The following PARD3 variants were observed in gnomAD, a reference collection of about 807,000 sequenced individuals.
PARD3 encodes par-3 family cell polarity regulator.
A neutral mutation model predicts 155.4 loss-of-function variants in PARD3; 75 were observed. That is an observed-to-expected ratio of 0.48 (90% CI 0.40 to 0.58). PARD3 has a LOEUF of 0.58. Among genes scored for constraint, PARD3 ranks in the 20% least tolerant of loss-of-function variants. PARD3 has a pLI of 0.00. For missense variants in PARD3, 1,642 were observed against 1,721.7 expected, an observed-to-expected ratio of 0.95 and a Z score of 0.82; for synonymous variants, 576 against 610.5, an observed-to-expected ratio of 0.94 and a Z score of 0.83.
chr10:34,618,490 G>C (rs1316342288), intron 2 of PARD3, among the ~76,000 whole-genome samples: 4 of 152,000 alleles, frequency 2.6e-5, no homozygotes. Context: ...TCACAATTCA[G>C]GTAAAAATGA....
intron 1 of PARD3, among the ~76,000 whole-genome samples, chr10:34,708,899 T>C (rs537451287): frequency 3.9e-4 from 59 of 152,344 alleles, no homozygotes; most frequent in African/African-American, 1.1e-3. Flanking sequence ...GATTCTTAAT[T>C]GTCCATGTGA....
intron 2 of PARD3, among the ~76,000 whole-genome samples, chr10:34,552,257 G>T (rs1167477756): frequency 6.6e-6 from 1 of 152,130 alleles, no homozygotes; most frequent in African/African-American, 2.4e-5. Context: ...ACAGGCATGG[G>T]CCACCATACT....
intron 1 of PARD3, among the ~76,000 whole-genome samples, chr10:34,700,891 C>T (rs1208439030): frequency 3.3e-5 from 5 of 152,148 alleles, no homozygotes; most frequent in Admixed American, 6.6e-5. Context: ...AGGAGAATCA[C>T]TTGAACCTGG....
intron 22 of PARD3, among the ~76,000 whole-genome samples, chr10:34,140,607 T>G (rs1948137349): frequency 6.6e-6 from 1 of 152,194 alleles, no homozygotes; most frequent in Admixed American, 6.5e-5. Context: ...GCTGGAAGAC[T>G]TATGAGGAAT....
At chr10:34,523,933 T>TC (rs1359805123) in intron 2 of PARD3, among the ~76,000 whole-genome samples, 1 of 152,204 alleles carries the variant, frequency 6.6e-6, no homozygotes, top group African/African-American at 2.4e-5. Context: ...TTCTGCCCTT[T>TC]CACTCAAGGA....
At chr10:34,193,872 T>TGCCCTGAATTTTCTACTA (rs1382249585) in intron 22 of PARD3, among the ~76,000 whole-genome samples, 3 of 152,218 alleles carry the variant, frequency 2.0e-5, no homozygotes, top group Non-Finnish European at 2.9e-5. Context: ...TGGTTTTCAA[T>TGCCCTGAATTTTCTACTA]GCCCTGAATT....
At position 34,192,078 on chromosome 10, in the gene PARD3, G is replaced by GT. The variant is rs1040090379; in HGVS notation, c.3420-60496dup. On this transcript the variant is annotated intron_variant, in intron 22 of 24. Transcript: ENST00000374788. ...ACTAGCAAAAACCACTTTCCTGCTT[G>GT]TTTTTTTTTTTTCCTTTTTGAGACA... 1.8e-3 allele frequency among the ~76,000 whole-genome samples: 263 copies of GT among 144,266 alleles called. 1 individual carries two copies. The highest frequency in any genetic ancestry group is 3.5e-3 in the Middle Eastern group (1 of 282). 94.6% of individuals were successfully genotyped at this position (144,266 alleles called of 152,430 possible).
intron 20 of PARD3, among the ~76,000 whole-genome samples, chr10:34,305,719 C>T (rs1225351701): frequency 6.6e-6 from 1 of 152,204 alleles, no homozygotes; most frequent in African/African-American, 2.4e-5. Context: ...TGGTGCACGC[C>T]TGCAATCCTA....
intron 5 of PARD3, among the ~76,000 whole-genome samples, chr10:34,445,273 T>C (rs1010136806): frequency 1.3e-5 from 2 of 152,224 alleles, no homozygotes; most frequent in African/African-American, 4.8e-5. Flanking sequence ...AAGCATAACC[T>C]AAGATTCCTC....
chr10:34,478,561 G>C (rs1043789380), intron 3 of PARD3, among the ~76,000 whole-genome samples: 3 of 152,160 alleles, frequency 2.0e-5, no homozygotes, highest in Admixed American at 2.0e-4. Context: ...ATTTTCTTTC[G>C]AGACGGAGTT....
intron 1 of PARD3, among the ~76,000 whole-genome samples, chr10:34,700,956 CAGAG>C: frequency 6.6e-6 from 1 of 152,066 alleles, no homozygotes; most frequent in East Asian, 1.9e-4. Context: ...GCCTGAGCAA[CAGAG>C]TGAGACTCCA....
At chr10:34,532,400 C>T (rs2082921013) in intron 2 of PARD3, among the ~76,000 whole-genome samples, 1 of 152,136 alleles carries the variant, frequency 6.6e-6, no homozygotes, top group Non-Finnish European at 1.5e-5. Context: ...TACTTTTTAA[C>T]TATTATTTCT....
intron 1 of PARD3, among the ~76,000 whole-genome samples, chr10:34,744,171 A>G (rs1835020001): frequency 6.6e-6 from 1 of 152,192 alleles, no homozygotes; most frequent in Admixed American, 6.5e-5. Flanking sequence ...TGTCCCTTAG[A>G]AATAACAATA....
intron 12 of PARD3, among the ~76,000 whole-genome samples, chr10:34,361,256 T>A (rs1274734649): frequency 6.6e-6 from 1 of 152,206 alleles, no homozygotes; most frequent in Non-Finnish European, 1.5e-5. Flanking sequence ...GCTCTTCAAG[T>A]AAAAACTGAA....
At chr10:34,570,000 T>G (rs2086260870) in intron 2 of PARD3, among the ~76,000 whole-genome samples, 1 of 152,146 alleles carries the variant, frequency 6.6e-6, no homozygotes, top group African/African-American at 2.4e-5. Flanking sequence ...ACTTTTTTAT[T>G]TCCCTCAAAC....
intron 1 of PARD3, among the ~76,000 whole-genome samples, chr10:34,779,368 G>C (rs1469946850): frequency 6.6e-6 from 1 of 151,816 alleles, no homozygotes; most frequent in Non-Finnish European, 1.5e-5. Context: ...CCAGCACTTT[G>C]GGAGGCCGAG....
Position 34,567,092 on chromosome 10 carries a change from C to T in PARD3, c.223-49933G>A, listed in dbSNP as rs74982692. ...TAGGAAACAAATAACAGGAAATGCA[C>T]TTTATAGCTGTTAGTATAGTGCACC... On this transcript the variant is annotated intron_variant, in intron 2 of 24. Coordinates refer to ENST00000374788, the MANE Select transcript of PARD3 (RefSeq NM_001184785.2). 3.1e-3 allele frequency among the ~76,000 whole-genome samples: 466 copies of T among 152,180 alleles called. 2 individuals are homozygous for T. Among genetic ancestry groups the T allele is most frequent in the African/African-American group, 0.01 (432 of 41,528 alleles).
intron 2 of PARD3, among the ~76,000 whole-genome samples, chr10:34,630,047 G>T (rs965427961): frequency 1.3e-5 from 2 of 152,130 alleles, no homozygotes; most frequent in Non-Finnish European, 2.9e-5. Flanking sequence ...CCCTACACAG[G>T]CTGCCTAAAC....
intron 2 of PARD3, among the ~76,000 whole-genome samples, chr10:34,635,359 T>A (rs1294630077): frequency 6.6e-6 from 1 of 152,240 alleles, no homozygotes; most frequent in Non-Finnish European, 1.5e-5. Flanking sequence ...GGCATAAGGC[T>A]GAGGGCTTGG....
Sources: gnomAD v4.1 joint callset for allele counts (sites outside exome capture counted in the v4.1 genomes callset) on GRCh38, gnomAD v4.1.1 for gene constraint, MANE v1.5 for transcripts, NCBI Gene and HGNC (gene_info 2026-07-23, HGNC 2026-07-21) for gene names.